SHISA9: variants seen among roughly 807,000 people sequenced by gnomAD.
SHISA9 encodes protein shisa-9.
Under a neutral mutation model 38.0 loss-of-function variants are expected in SHISA9, and 13 were observed. That is an observed-to-expected ratio of 0.34 (90% CI 0.22 to 0.54). The LOEUF (loss-of-function observed/expected upper bound fraction) is 0.54. SHISA9 is among the 20% of genes least tolerant of loss of function. The pLI, the probability that SHISA9 is intolerant of heterozygous loss-of-function variation, is 0.91. For missense variants in SHISA9, 538 were observed against 575.8 expected (o/e 0.93, Z 0.67); for synonymous variants, 275 against 242.0 (o/e 1.14, Z -1.27).
rs35122409 is a variant in SHISA9, at chr16:13,136,396, C to CTTTT, written c.692-66977_692-66974dup. Among the ~76,000 whole-genome samples, 635 of 67,738 alleles carry CTTTT rather than the reference C, an allele frequency of 9.4e-3. 2 individuals are homozygous for CTTTT. Among genetic ancestry groups the CTTTT allele is most frequent in the African/African-American group, 0.015 (240 of 15,852 alleles). 44.4% of individuals were successfully genotyped at this position (67,738 alleles called of 152,430 possible). On this transcript the variant is annotated intron_variant, in intron 2 of 4. Transcript: ENST00000558583. Reference sequence around the variant, plus strand: ...GTTGTGTGAAATATACAGTTTCCTTCTTTTTTTTTTTTTTTTTTTTTTTTG... The same window carrying CTTTT: ...GTTGTGTGAAATATACAGTTTCCTTCTTTTTTTTTTTTTTTTTTTTTTTTTTTTG...
chr16:12,970,456 C>T (rs866256253), intron 2 of SHISA9, among the ~76,000 whole-genome samples: 69 of 38,452 alleles, frequency 1.8e-3, no homozygotes, highest in Admixed American at 3.0e-3. Context: ...TATATATATA[C>T]ATATATGTGT....
the SHISA9 span, among the ~76,000 whole-genome samples, chr16:13,515,046 T>A: frequency 6.6e-6 from 1 of 152,134 alleles, no homozygotes; most frequent in South Asian, 2.1e-4. Context: ...GTAGCTTTTT[T>A]AAAGTACTAA....
the SHISA9 span, among the ~76,000 whole-genome samples, chr16:13,346,337 G>A: frequency 6.6e-6 from 1 of 152,160 alleles, no homozygotes; most frequent in Non-Finnish European, 1.5e-5. Context: ...GACCCCTACA[G>A]CTTTATAGAG....
At chr16:13,392,326 A>G in the SHISA9 span, among the ~76,000 whole-genome samples, 1 of 152,156 alleles carries the variant, frequency 6.6e-6, no homozygotes, top group Admixed American at 6.5e-5. Context: ...CTAGATAACA[A>G]TCTATTTTTC....
intron 2 of SHISA9, among the ~76,000 whole-genome samples, chr16:13,074,050 A>G (rs1459300788): frequency 6.6e-6 from 1 of 150,526 alleles, no homozygotes; most frequent in Non-Finnish European, 1.5e-5. Flanking sequence ...GCTCACTGCA[A>G]CCTCTACCTC....
At chr16:12,918,522 G>A (rs150341808) in intron 2 of SHISA9, among the ~76,000 whole-genome samples, 1,741 of 152,260 alleles carry the variant, frequency 0.011, 12 homozygotes, top group Middle Eastern at 0.048. Context: ...TCAGGTGGGC[G>A]GGAAACCTTA....
intron 1 of SHISA9, among the ~76,000 whole-genome samples, chr16:12,912,191 C>G (rs376243656): frequency 6.7e-6 from 1 of 149,868 alleles, no homozygotes; most frequent in Non-Finnish European, 1.5e-5. Flanking sequence ...CTGGAGTGAG[C>G]GAGCCCCACT....
intron 2 of SHISA9, among the ~76,000 whole-genome samples, chr16:12,975,533 T>C (rs1326365857): frequency 4.0e-5 from 6 of 151,450 alleles, no homozygotes; most frequent in Non-Finnish European, 2.9e-5. Context: ...ATAGAGTTAT[T>C]AGCTCTGTCA....
chr16:13,113,016 C>G (rs948594440), intron 2 of SHISA9, among the ~76,000 whole-genome samples: 1 of 151,880 alleles, frequency 6.6e-6, no homozygotes, highest in Non-Finnish European at 1.5e-5. Context: ...TTGAAACCAG[C>G]CTGTCCAACA....
the SHISA9 span, among the ~76,000 whole-genome samples, chr16:13,417,771 T>C: frequency 1.3e-5 from 2 of 152,332 alleles, no homozygotes; most frequent in Non-Finnish European, 1.5e-5. Flanking sequence ...CAGCTCACTG[T>C]AGCTTCCCTA....
At chr16:13,051,985 G>A (rs375381569) in intron 2 of SHISA9, among the ~76,000 whole-genome samples, 6 of 152,102 alleles carry the variant, frequency 3.9e-5, no homozygotes, top group South Asian at 4.2e-4. Flanking sequence ...GGCTGGTCTC[G>A]AACTCCTGAC....
At chr16:13,064,404 C>T (rs2073410430) in intron 2 of SHISA9, among the ~76,000 whole-genome samples, 1 of 152,092 alleles carries the variant, frequency 6.6e-6, no homozygotes, top group African/African-American at 2.4e-5. Flanking sequence ...AGATCAGGCG[C>T]GTTCAGGGTG....
At chr16:13,224,694 A>T (rs204024) in intron 4 of SHISA9, among the ~76,000 whole-genome samples, 1 of 151,940 alleles carries the variant, frequency 6.6e-6, no homozygotes, top group Non-Finnish European at 1.5e-5. Flanking sequence ...AAAAAAGATA[A>T]CTTTATATAG....
chr16:13,123,026 G>A (rs1010492490), intron 2 of SHISA9, among the ~76,000 whole-genome samples: 4 of 152,046 alleles, frequency 2.6e-5, no homozygotes, highest in South Asian at 2.1e-4. Context: ...CAGCCTGGGC[G>A]ACAGAGCAAG....
intron 2 of SHISA9, among the ~76,000 whole-genome samples, chr16:13,078,769 T>G (rs912701478): frequency 6.6e-6 from 1 of 152,204 alleles, no homozygotes; most frequent in African/African-American, 2.4e-5. Context: ...TGATACACAT[T>G]TACTGTGTGC....
the SHISA9 span, among the ~76,000 whole-genome samples, chr16:13,410,940 C>A: frequency 1.3e-5 from 2 of 152,062 alleles, no homozygotes; most frequent in Non-Finnish European, 2.9e-5. Flanking sequence ...TCATTAATAT[C>A]ATTAAATCTA....
intron 2 of SHISA9, among the ~76,000 whole-genome samples, chr16:13,021,650 A>T (rs1220229636): frequency 6.6e-6 from 1 of 152,324 alleles, no homozygotes; most frequent in Admixed American, 6.5e-5. Flanking sequence ...CCAATATTTT[A>T]AGAGGATTCT....
chr16:13,342,833 G>A, the SHISA9 span, among the ~76,000 whole-genome samples: 1 of 151,918 alleles, frequency 6.6e-6, no homozygotes, highest in Admixed American at 6.6e-5. Flanking sequence ...ATACTTTCCT[G>A]GCAACACCCA....
the SHISA9 span, among the ~76,000 whole-genome samples, chr16:13,493,247 C>A: frequency 6.6e-6 from 1 of 152,126 alleles, no homozygotes; most frequent in South Asian, 2.1e-4. Context: ...TAAGACACTG[C>A]CCCCAATACC....
Sources: allele counts gnomAD v4.1 joint callset (sites outside exome capture counted in the v4.1 genomes callset), GRCh38; gene constraint gnomAD v4.1.1; transcripts MANE v1.5; gene names NCBI Gene and HGNC (gene_info 2026-07-23, HGNC 2026-07-21).